Variants in HK2 observed in about 807,000 individuals in gnomAD.
HK2 encodes hexokinase-2.
In HK2, 42 loss-of-function variants were observed where a neutral mutation model predicts 92.9. That is an observed-to-expected ratio of 0.45 (90% CI 0.35 to 0.58). The LOEUF is 0.58. Ranked by LOEUF, HK2 falls within the 20% of genes least tolerant of loss-of-function variation. The pLI, the probability that HK2 is intolerant of heterozygous loss-of-function variation, is 0.00. For missense variants in HK2, 978 were observed against 1,245.1 expected (o/e 0.79, Z 3.23); for synonymous variants, 422 against 468.0 (o/e 0.90, Z 1.27).
chr2:74,843,412 C>G (rs1002804559), intron 1 of HK2, among the ~76,000 whole-genome samples: 7 of 152,220 alleles, frequency 4.6e-5, no homozygotes, highest in Non-Finnish European at 7.3e-5. Context: ...AGTCTTGGCC[C>G]TGTTCCTGTG....
chr2:74,860,587 C>T (rs918758333), intron 2 of HK2, among the ~76,000 whole-genome samples: 4 of 152,120 alleles, frequency 2.6e-5, no homozygotes, highest in African/African-American at 9.7e-5. Flanking sequence ...CTATCAGTGT[C>T]TCGTTCCTTT....
At chr2:74,848,498 A>G (rs957982334) in intron 1 of HK2, among the ~76,000 whole-genome samples, 2 of 152,118 alleles carry the variant, frequency 1.3e-5, no homozygotes, top group African/African-American at 4.8e-5. Context: ...ATGTTTCTGT[A>G]CACTAGTGCT....
In HK2 at chr2:74,873,319, T is replaced by C. The variant is rs1689145569; in HGVS notation, c.539T>C (p.Val180Ala). ...SWTKGFKSSG[V>A]EGRDVVALIR... ...ACCAAGGGATTCAAGTCCAGTGGAG[T>C]GGAAGGCAGAGACGTTGTGGCTCTG... is the stretch of plus-strand genomic sequence containing the variant. The change falls in exon 5 of 18, where the codon GTG becomes GCG. Residue 180 changes from valine to alanine, a missense_variant. This residue lies in a region of HK2 where 189 missense variants were observed against 289.5 expected (regional missense o/e 0.65). Transcript: ENST00000290573. 1 of 1,613,824 alleles carries C rather than the reference T, an allele frequency of 6.2e-7. No homozygotes were observed. The highest frequency in any genetic ancestry group is 8.5e-7 in the Non-Finnish European group (1 of 1,179,944).
intron 3 of HK2, among the ~76,000 whole-genome samples, chr2:74,871,875 A>G (rs527413696): frequency 6.6e-6 from 1 of 152,188 alleles, no homozygotes; most frequent in Non-Finnish European, 1.5e-5. Flanking sequence ...TGGCAGCAAG[A>G]TGGGCTGGCC....
intron 1 of HK2, among the ~76,000 whole-genome samples, chr2:74,840,703 T>TA (rs1159820227): frequency 1.5e-5 from 1 of 68,228 alleles, no homozygotes; most frequent in Admixed American, 1.4e-4. Context: ...CCGTCTCTAC[T>TA]AAAAATACAA....
intron 2 of HK2, among the ~76,000 whole-genome samples, chr2:74,860,779 G>T (rs1353035536): frequency 6.6e-6 from 1 of 152,172 alleles, no homozygotes; most frequent in Admixed American, 6.5e-5. Flanking sequence ...GTCATTCATA[G>T]AATTTGGTAT....
chr2:74,848,277 C>CTA (rs1447370473), intron 1 of HK2, among the ~76,000 whole-genome samples: 1 of 152,162 alleles, frequency 6.6e-6, no homozygotes, highest in Non-Finnish European at 1.5e-5. Flanking sequence ...ACTCATTGAT[C>CTA]TATAATATGA....
Position 74,867,747 on chromosome 2 carries a change from C to T in HK2, c.338C>T (p.Ala113Val), listed in dbSNP as rs755739165. The T allele has an allele frequency of 4.3e-6, 7 of 1,614,102 alleles. No homozygotes were observed. The highest frequency in any genetic ancestry group is 5.9e-6 in the Non-Finnish European group (7 of 1,180,000). The change falls in exon 3 of 18, where the codon GCC (alanine) becomes GTC (valine). Residue 113 changes from alanine to valine, a missense_variant. By Grantham distance (64) the Ala-to-Val change is moderately conservative (BLOSUM62 0). Transcript: ENST00000290573. ...QKVEMENQIY[A>V]IPEDIMRGSG... Reference sequence around the variant, plus strand: ...GTGGAGATGGAGAATCAGATCTATGCCATCCCTGAGGACATCATGCGAGGC... The same window carrying T: ...GTGGAGATGGAGAATCAGATCTATGTCATCCCTGAGGACATCATGCGAGGC...
At chr2:74,856,400 GCCCCT>G (rs1688697189) in intron 2 of HK2, among the ~76,000 whole-genome samples, 1 of 152,110 alleles carries the variant, frequency 6.6e-6, no homozygotes, top group Non-Finnish European at 1.5e-5. Context: ...CCTTCAAAGA[GCCCCT>G]CGAGGTGAGG....
At position 74,834,632 on chromosome 2, in the gene HK2, C is replaced by G. The variant is rs201636455; in HGVS notation, c.52C>G (p.Gln18Glu). 4 of 1,613,960 alleles carry G rather than the reference C, an allele frequency of 2.5e-6. No homozygotes were observed. Among genetic ancestry groups the G allele is most frequent in the East Asian group, 2.2e-5 (1 of 44,858 alleles). The change falls in exon 1 of 18, where the codon CAA (glutamine) becomes GAA (glutamate). Residue 18 changes from glutamine (Q) to glutamate (E), a missense_variant. Gln to Glu is a conservative substitution (Grantham distance 29). This residue lies in a region of HK2 where 47 missense variants were observed against 33.1 expected (regional missense o/e 1.42). Coordinates refer to ENST00000290573, the MANE Select transcript of HK2 (RefSeq NM_000189.5). The surrounding 1 kb of genome is among the most constrained non-coding windows in gnomAD (Gnocchi z 4.2). ...AYFFTELNHD[Q>E]VQKVDQYLYH... ...CTTCTTCACGGAGCTCAACCATGAC[C>G]AAGTGCAGAAGGTAAGTCAGCGCGG...
rs770479243 is a variant in HK2, at chr2:74,890,839, G to A, written c.2652G>A (p.Pro884=). 3.1e-6 allele frequency: 5 copies of A among 1,614,186 alleles called. No homozygotes were observed. The highest frequency in any genetic ancestry group is 4.2e-6 in the Non-Finnish European group (5 of 1,180,028). ...VMHETVKDLA[P]KCDVSFLQSE... ...ATGAGACAGTGAAGGACCTGGCTCCGAAATGTGATGTGTCTTTCCTGCAGT... is the reference window on the plus strand; with the variant it reads ...ATGAGACAGTGAAGGACCTGGCTCCAAAATGTGATGTGTCTTTCCTGCAGT... The change falls in exon 18 of 18, where the codon CCG becomes CCA. Residue 884 remains proline (P), a synonymous_variant. Coordinates refer to ENST00000290573, the MANE Select transcript of HK2 (RefSeq NM_000189.5).
At chr2:74,873,977 G>A in intron 6 of HK2, 34 bp downstream of exon 6, 1 of 1,514,944 alleles carries the variant, frequency 6.6e-7, no homozygotes, top group Non-Finnish European at 9.2e-7. Context: ...GGCCCGTGCT[G>A]GCCAAGGGAT....
chr2:74,858,655 A>G (rs1688746179), intron 2 of HK2, among the ~76,000 whole-genome samples: 1 of 152,234 alleles, frequency 6.6e-6, no homozygotes, highest in Non-Finnish European at 1.5e-5. Flanking sequence ...ATTGGCATCA[A>G]GGGAGCAGGT....
intron 1 of HK2, among the ~76,000 whole-genome samples, chr2:74,845,575 A>C (rs948388350): frequency 6.6e-6 from 1 of 152,234 alleles, no homozygotes; most frequent in Admixed American, 6.5e-5. Flanking sequence ...CAACCGCTGC[A>C]ACAGGATCCT....
At chr2:74,853,518 A>AAACAAC (rs146960066) in intron 1 of HK2, among the ~76,000 whole-genome samples, 4,716 of 143,434 alleles carry the variant, frequency 0.033, 98 homozygotes, top group Non-Finnish European at 0.043. Context: ...CTCAGCCTCA[A>AAACAAC]AACAACAACA....
intron 11 of HK2, 99 bp downstream of exon 11, chr2:74,881,958 G>A (rs2103993996): frequency 6.7e-7 from 1 of 1,481,738 alleles, no homozygotes; most frequent in South Asian, 1.2e-5. Context: ...CCTGGGGAGG[G>A]CTAGCTGGAC....
intron 10 of HK2, among the ~76,000 whole-genome samples, 179 bp downstream of exon 10, chr2:74,880,748 T>G (rs368179996): frequency 6.6e-6 from 1 of 152,254 alleles, no homozygotes; most frequent in Non-Finnish European, 1.5e-5. Flanking sequence ...CTGCAAACAG[T>G]AGTAATGGTC....
At chr2:74,855,530 A>C (rs1242202428) in intron 2 of HK2, among the ~76,000 whole-genome samples, 1 of 152,174 alleles carries the variant, frequency 6.6e-6, no homozygotes, top group Non-Finnish European at 1.5e-5. Context: ...TACCGCACCC[A>C]GCCCAGAATC....
At chr2:74,865,440 G>A (rs867214484) in intron 2 of HK2, among the ~76,000 whole-genome samples, 3 of 152,038 alleles carry the variant, frequency 2.0e-5, no homozygotes, top group Non-Finnish European at 2.9e-5. Context: ...TCAGCGGATC[G>A]CGTGTATCCT....
Sources: allele counts gnomAD v4.1 joint callset (sites outside exome capture counted in the v4.1 genomes callset), GRCh38; gene constraint gnomAD v4.1.1; regional missense constraint gnomAD v4.1.1; non-coding constraint Gnocchi (gnomAD v3.1); transcripts MANE v1.5; gene names NCBI Gene and HGNC (gene_info 2026-07-23, HGNC 2026-07-21).